The following NRXN2 variants were observed in gnomAD, a reference collection of about 807,000 sequenced individuals.
NRXN2 encodes the protein neurexin-2-beta.
In NRXN2, 29 loss-of-function variants were observed where a neutral mutation model predicts 128.8. The ratio of observed to expected loss-of-function variants is 0.23; its 90% CI spans 0.17 to 0.31. NRXN2 has a LOEUF of 0.31. NRXN2 is among the 10% of genes least tolerant of loss of function. NRXN2 has a pLI of 1.00. For synonymous variants in NRXN2, 1,098 were observed against 1,075.2 expected (o/e 1.02, Z -0.41); for missense variants, 1,881 against 2,452.6 (o/e 0.77, Z 4.92).
intron 3 of NRXN2, among the ~76,000 whole-genome samples, chr11:64,696,131 C>T (rs2054485956): frequency 6.6e-6 from 1 of 151,900 alleles, no homozygotes; most frequent in African/African-American, 2.4e-5. Flanking sequence ...TTCTCTCTTC[C>T]TCCCTCCATC....
chr11:64,620,618 C>A (rs1414927930), intron 21 of NRXN2, among the ~76,000 whole-genome samples: 1 of 151,458 alleles, frequency 6.6e-6, no homozygotes. Context: ...AGTGAAACAG[C>A]ACACATGGTG....
At chr11:64,649,146 G>A (rs575600551) in intron 15 of NRXN2, among the ~76,000 whole-genome samples, 47 of 152,180 alleles carry the variant, frequency 3.1e-4, no homozygotes, top group Non-Finnish European at 5.6e-4. Context: ...CTGGGAGAGT[G>A]GGGGCTGGGG....
chr11:64,624,250 A>G (rs1360743009), intron 20 of NRXN2, among the ~76,000 whole-genome samples: 1 of 152,190 alleles, frequency 6.6e-6, no homozygotes, highest in Non-Finnish European at 1.5e-5. Flanking sequence ...CCAACTTGTG[A>G]AGCCCACAAC....
At chr11:64,682,223 G>A (rs2052406816) in intron 6 of NRXN2, among the ~76,000 whole-genome samples, 1 of 150,148 alleles carries the variant, frequency 6.7e-6, no homozygotes, top group Non-Finnish European at 1.5e-5. Context: ...CTCTGCCCCT[G>A]GGGCAGTCCC....
chr11:64,632,058 C>T lies in NRXN2; in HGVS notation c.3586-1485G>A, dbSNP rs2043988805. 6.6e-6 allele frequency among the ~76,000 whole-genome samples: 1 copy of T among 152,232 alleles called. No homozygotes were observed. The highest frequency in any genetic ancestry group is 2.1e-4 in the South Asian group (1 of 4,838). ...GGAACATTCAGCTGCCACCTCCTTCCTGCATCTAGCAGAGCCGAGAGGCTT... is the reference window on the plus strand; with the variant it reads ...GGAACATTCAGCTGCCACCTCCTTCTTGCATCTAGCAGAGCCGAGAGGCTT... On this transcript the variant is annotated intron_variant, in intron 18 of 22. Transcript: ENST00000265459. The surrounding 1 kb of genome is among the most constrained non-coding windows in gnomAD (Gnocchi z 4.2).
intron 3 of NRXN2, among the ~76,000 whole-genome samples, chr11:64,696,432 A>G (rs1347531305): frequency 1.3e-5 from 2 of 152,080 alleles, no homozygotes; most frequent in East Asian, 3.9e-4. Context: ...TTACGTGTAC[A>G]CAGCATATAT....
chr11:64,701,767 G>A lies in NRXN2; in HGVS notation c.731-3975C>T, dbSNP rs577796622. On this transcript the variant is annotated intron_variant, in intron 2 of 22. Transcript: ENST00000265459. ...AAAGAAATAAATAAGCCCCGTCCGG[G>A]GGGGAAGTGGGGGGATCAGCCCCCC... 5.9e-5 allele frequency among the ~76,000 whole-genome samples: 9 copies of A among 152,332 alleles called. No homozygotes were observed. The East Asian group carries it at 1.7e-3, about 29-fold the overall frequency.
At chr11:64,682,305 C>A (rs1222722462) in intron 6 of NRXN2, among the ~76,000 whole-genome samples, 1 of 150,506 alleles carries the variant, frequency 6.6e-6, no homozygotes, top group Non-Finnish European at 1.5e-5. Context: ...CCATCCTTGG[C>A]AGACTCTATT....
intron 22 of NRXN2, among the ~76,000 whole-genome samples, chr11:64,619,553 C>T (rs2042012292): frequency 6.6e-6 from 1 of 152,084 alleles, no homozygotes; most frequent in Non-Finnish European, 1.5e-5. Context: ...GCCTAGAAAG[C>T]ACTCCCTGGC....
chr11:64,607,673 G>T lies in NRXN2; in HGVS notation c.4662C>A (p.Ser1554=). ...CCGCCGGCAGGTTGGGGGCCGGGGC[G>T]GAGGGGGCAAACAGCACCCCAGGGG... ...TGAPGVLFAP[S]APAPNLPAGK... is the part of the protein sequence containing the mutation. Residue 1554 remains serine, a synonymous_variant, in exon 23 of 23, where the codon TCC becomes TCA. Coordinates refer to ENST00000265459, the MANE Select transcript of NRXN2 (RefSeq NM_015080.4). 6.5e-7 allele frequency: 1 copy of T among 1,531,882 alleles called. No homozygotes were observed. The highest frequency in any genetic ancestry group is 8.8e-7 in the Non-Finnish European group (1 of 1,135,808). The allele number at this position is 1,531,882 out of a possible 1,614,324, so 94.9% of individuals were successfully genotyped here.
chr11:64,672,916 G>A (rs914811485), intron 7 of NRXN2, among the ~76,000 whole-genome samples: 9 of 152,152 alleles, frequency 5.9e-5, no homozygotes, highest in Non-Finnish European at 1.0e-4. Flanking sequence ...GAATAGAGAG[G>A]AAAGAGGTCA....
At chr11:64,624,204 G>A (rs2042767367) in intron 20 of NRXN2, among the ~76,000 whole-genome samples, 1 of 152,184 alleles carries the variant, frequency 6.6e-6, no homozygotes, top group Non-Finnish European at 1.5e-5. Flanking sequence ...TTCGGTGCCT[G>A]TAAGCCTTGC....
intron 7 of NRXN2, among the ~76,000 whole-genome samples, chr11:64,669,914 T>C (rs1469803016): frequency 1.3e-5 from 2 of 152,112 alleles, no homozygotes; most frequent in Non-Finnish European, 2.9e-5. Flanking sequence ...GGGAACAGTC[T>C]AGAGATTGGG....
At chr11:64,710,995 G>A (rs545221908) in intron 2 of NRXN2, among the ~76,000 whole-genome samples, 24 of 152,184 alleles carry the variant, frequency 1.6e-4, no homozygotes, top group South Asian at 4.2e-4. Flanking sequence ...TCCTGATGAC[G>A]TAACCCACAA....
intron 5 of NRXN2, among the ~76,000 whole-genome samples, chr11:64,687,319 G>T (rs1485196100): frequency 6.6e-6 from 1 of 152,174 alleles, no homozygotes; most frequent in East Asian, 1.9e-4. Flanking sequence ...GTGGCGGGGG[G>T]GGAGTTTCGG....
intron 12 of NRXN2, among the ~76,000 whole-genome samples, 174 bp from the exon 13 acceptor site, chr11:64,652,328 A>G (rs2047584113): frequency 6.6e-6 from 1 of 152,040 alleles, no homozygotes; most frequent in Non-Finnish European, 1.5e-5. Flanking sequence ...ACAAGTACAC[A>G]CACTTATAGC....
chr11:64,648,582 A>G lies in NRXN2; in HGVS notation c.3283+152T>C, dbSNP rs1480429017. On this transcript the variant is annotated intron_variant, in intron 16 of 22. Coordinates refer to ENST00000265459, the MANE Select transcript of NRXN2 (RefSeq NM_015080.4). This position sits in a 1 kb window ranked among gnomAD's most constrained non-coding sequence, Gnocchi z 4.1. Reference sequence around the variant, plus strand: ...GGCAAGTGACCCTTCACACACCTGTATCCCTGCCCCAGAACTGTGGGGGCA... The same window carrying G: ...GGCAAGTGACCCTTCACACACCTGTGTCCCTGCCCCAGAACTGTGGGGGCA... 2 of 1,150,008 alleles carry G rather than the reference A, an allele frequency of 1.7e-6. No individual in the cohort carries two copies. The highest frequency in any genetic ancestry group is 1.5e-5 in the African/African-American group (1 of 65,504). The allele number at this position is 1,150,008 out of a possible 1,614,324, so 71.2% of individuals were successfully genotyped here. A position where few individuals can be genotyped will look rare whatever the true frequency, so the allele number is the denominator to read the frequency against.
chr11:64,693,022 C>T, intron 3 of NRXN2, 146 bp from the exon 4 acceptor site: 1 of 748,980 alleles, frequency 1.3e-6, no homozygotes, highest in Non-Finnish European at 2.2e-6. Flanking sequence ...AATTTAAAAA[C>T]CTTTTTTAAC....
intron 2 of NRXN2, among the ~76,000 whole-genome samples, chr11:64,699,153 T>C (rs1345235827): frequency 6.6e-6 from 1 of 152,172 alleles, no homozygotes; most frequent in Non-Finnish European, 1.5e-5. Flanking sequence ...ACCACTCCCA[T>C]AATCCACGCA....
Sources: allele counts gnomAD v4.1 joint callset (sites outside exome capture counted in the v4.1 genomes callset), GRCh38; gene constraint gnomAD v4.1.1; non-coding constraint Gnocchi (gnomAD v3.1); transcripts MANE v1.5; gene names NCBI Gene and HGNC (gene_info 2026-07-23, HGNC 2026-07-21).